Variants in DBT observed in about 807,000 individuals in gnomAD.
DBT encodes the protein dihydrolipoamide branched chain transacylase E2.
DBT carries 40 observed loss-of-function variants against 51.3 expected under a neutral mutation model. The observed-to-expected ratio is 0.78, with a 90% CI of 0.61 to 1.02. The LOEUF (loss-of-function observed/expected upper bound fraction) is 1.02. Among genes scored for constraint, DBT ranks in the 50% least tolerant of loss-of-function variants. The probability of loss-of-function intolerance (pLI) is 0.00; values close to 1 mark genes in which losing one functional copy is unlikely to be tolerated. For missense variants in DBT, 510 were observed against 580.2 expected (o/e 0.88, Z 1.24); for synonymous variants, 181 against 190.4 (o/e 0.95, Z 0.41).
chr1:100,215,992 G>A lies in DBT; in HGVS notation c.763C>T (p.Pro255Ser), dbSNP rs766043981. 7.7e-6 allele frequency: 12 copies of A among 1,568,198 alleles called. No individual in the cohort carries two copies. The highest frequency in any genetic ancestry group is 1.4e-5 in the African/African-American group (1 of 73,920). ...TTATTATTATCATTACCTTTTATGG[G>A]TTCTGTTTTGTCTTTGCCTGTGAAT... ...PVFTGKDKTE[P>S]IKGFQKAMVK... Residue 255 changes from proline (P) to serine (S), a missense_variant, in exon 6 of 11, where the codon CCC becomes TCC. Pro to Ser is a moderately conservative substitution (Grantham distance 74, BLOSUM62 -1). Transcript: ENST00000370132.
chr1:100,219,738 G>T (rs1471252779), intron 4 of DBT, among the ~76,000 whole-genome samples: 1 of 151,978 alleles, frequency 6.6e-6, no homozygotes, highest in Non-Finnish European at 1.5e-5. Context: ...GAAAAAGTGA[G>T]ACCCAGTCTC....
At chr1:100,249,072 C>T (rs1344212073) in intron 1 of DBT, 2 of 987,066 alleles carry the variant, frequency 2.0e-6, no homozygotes, top group African/African-American at 1.7e-5. Flanking sequence ...TCGGGGTCAC[C>T]AAGGCAGGAG....
intron 1 of DBT, among the ~76,000 whole-genome samples, chr1:100,242,305 T>C (rs1234615547): frequency 6.6e-6 from 1 of 152,156 alleles, no homozygotes; most frequent in Non-Finnish European, 1.5e-5. Context: ...TTTTAATACA[T>C]ATTTATAAAC....
chr1:100,233,650 C>G (rs1040507317), intron 3 of DBT, among the ~76,000 whole-genome samples: 2 of 152,152 alleles, frequency 1.3e-5, no homozygotes, highest in Admixed American at 6.5e-5. Flanking sequence ...GTACACTCAC[C>G]AGCAGTTTTG....
intron 5 of DBT, among the ~76,000 whole-genome samples, chr1:100,218,316 T>G (rs1004793198): frequency 6.6e-6 from 1 of 152,164 alleles, no homozygotes. Context: ...TCCTATCTCA[T>G]GCTGTGCCTC....
chr1:100,197,080 A>G (rs952051974), intron 10 of DBT: 5 of 171,700 alleles, frequency 2.9e-5, no homozygotes, highest in African/African-American at 1.2e-4. Context: ...TTCTAAATAT[A>G]TATCTTTTCA....
At chr1:100,206,420 T>C (rs1175023622) in intron 9 of DBT, 25 bp downstream of exon 9, 1 of 1,585,244 alleles carries the variant, frequency 6.3e-7, no homozygotes, top group Non-Finnish European at 8.7e-7. Flanking sequence ...AGTAATGGTT[T>C]ATGTATTTCA....
At chr1:100,212,622 A>G (rs1473954820) in intron 7 of DBT, among the ~76,000 whole-genome samples, 1 of 152,212 alleles carries the variant, frequency 6.6e-6, no homozygotes, top group Non-Finnish European at 1.5e-5. Flanking sequence ...GTAAGTGAGT[A>G]AGTGAAGAGA....
chr1:100,210,179 C>T (rs550610800), intron 8 of DBT, among the ~76,000 whole-genome samples: 5 of 151,526 alleles, frequency 3.3e-5, no homozygotes, highest in Admixed American at 6.6e-5. Flanking sequence ...GGCATAGTGG[C>T]GCATGCCTAT....
intron 7 of DBT, among the ~76,000 whole-genome samples, chr1:100,213,093 A>C (rs1662249339): frequency 6.6e-6 from 1 of 152,240 alleles, no homozygotes; most frequent in African/African-American, 2.4e-5. Flanking sequence ...TGTTAGCTGT[A>C]AGTCCTTAAC....
At chr1:100,224,170 T>C (rs1031555358) in intron 4 of DBT, among the ~76,000 whole-genome samples, 4 of 152,208 alleles carry the variant, frequency 2.6e-5, no homozygotes, top group African/African-American at 4.8e-5. Flanking sequence ...CTACCCTTCA[T>C]GGCTCTATGC....
chr1:100,195,815 C>T lies in DBT; in HGVS notation c.*440G>A. On this transcript the variant is annotated 3_prime_UTR_variant, in exon 11 of 11. Transcript: ENST00000370132. Reference sequence around the variant, plus strand: ...AAGTAGCTGGGATTATAGGTACCCACCACCACACCCGGCTAATTTTTGTAT... The same window carrying T: ...AAGTAGCTGGGATTATAGGTACCCATCACCACACCCGGCTAATTTTTGTAT... 5.0e-6 allele frequency: 1 copy of T among 201,682 alleles called. No homozygotes were observed. The highest frequency in any genetic ancestry group is 8.6e-5 in the South Asian group (1 of 11,690). 12.5% of individuals were successfully genotyped at this position (201,682 alleles called of 1,614,324 possible). A position where few individuals can be genotyped will look rare whatever the true frequency, so the allele number is the denominator to read the frequency against.
intron 7 of DBT, chr1:100,213,491 T>G: frequency 6.5e-7 from 1 of 1,545,466 alleles, no homozygotes; most frequent in Non-Finnish European, 8.9e-7. Context: ...CGTCATCCGC[T>G]ATCCTACCAA....
chr1:100,226,882 T>C (rs6577161), intron 4 of DBT, among the ~76,000 whole-genome samples: 120,559 of 151,804 alleles, frequency 0.79, 49,241 homozygotes, highest in East Asian at 0.95. Context: ...TGATTGTAAT[T>C]AATTAAACAC....
In DBT at chr1:100,249,787, T is replaced by C. The variant is rs1215222732; in HGVS notation, c.34A>G (p.Arg12Gly). The C allele has an allele frequency of 3.7e-6, 6 of 1,614,110 alleles. No homozygotes were observed. In the East Asian group the frequency reaches 6.7e-5, roughly 18 times the overall value. ...GTGCTTACCAGCTTCCCCGCATTCCTGCTCCAGGTTCTCAGCATACGGACT... is the reference window on the plus strand; with the variant it reads ...GTGCTTACCAGCTTCCCCGCATTCCCGCTCCAGGTTCTCAGCATACGGACT... The part of the protein sequence containing the change: ...AAVRMLRTWS[R>G]NAGKLICVRY... Residue 12 changes from arginine to glycine, a missense_variant, in exon 1 of 11, where the codon AGG becomes GGG. Arg to Gly is a moderately radical substitution (Grantham distance 125). Transcript: ENST00000370132.
At chr1:100,208,583 A>G (rs1015360738) in intron 8 of DBT, among the ~76,000 whole-genome samples, 2 of 152,194 alleles carry the variant, frequency 1.3e-5, no homozygotes, top group Non-Finnish European at 1.5e-5. Context: ...CTTGTTGACA[A>G]TGATGTCTAC....
At chr1:100,211,100 CTTAA>C (rs538024045) in intron 7 of DBT, 1 of 779,184 alleles carries the variant, frequency 1.3e-6, no homozygotes, top group Non-Finnish European at 2.4e-6. Flanking sequence ...ACATGTTGAT[CTTAA>C]GATTTCCATG....
chr1:100,242,601 A>T (rs139573148), intron 1 of DBT, among the ~76,000 whole-genome samples: 1 of 152,196 alleles, frequency 6.6e-6, no homozygotes, highest in African/African-American at 2.4e-5. Flanking sequence ...AATAATTAAA[A>T]TTGATAACTT....
intron 4 of DBT, 39 bp from the exon 5 acceptor site, chr1:100,218,786 A>T (rs1029078439): frequency 1.8e-4 from 242 of 1,326,634 alleles, no homozygotes; most frequent in Admixed American, 3.9e-4. Flanking sequence ...TTGAAAAAAA[A>T]TTTTTTTTTT....
Sources: allele counts gnomAD v4.1 joint callset (sites outside exome capture counted in the v4.1 genomes callset), GRCh38; gene constraint gnomAD v4.1.1; transcripts MANE v1.5; gene names NCBI Gene and HGNC (gene_info 2026-07-23, HGNC 2026-07-21).